Variants in HNF1B observed in about 807,000 individuals in gnomAD.
HNF1B encodes the protein HNF1 homeobox B, also known as hepatocyte nuclear factor 1-beta.
A neutral mutation model predicts 61.7 loss-of-function variants in HNF1B; 8 were observed. The ratio of observed to expected loss-of-function variants is 0.13; its 90% CI spans 0.08 to 0.23. The LOEUF is 0.23. Ranked by LOEUF, HNF1B falls within the 10% of genes least tolerant of loss-of-function variation. The probability of loss-of-function intolerance (pLI) is 1.00; values close to 1 mark genes in which losing one functional copy is unlikely to be tolerated. For missense variants in HNF1B, 562 were observed against 714.5 expected (o/e 0.79, Z 2.43); for synonymous variants, 314 against 287.7 (o/e 1.09, Z -0.93).
At position 37,704,901 on chromosome 17, in the gene HNF1B, C is replaced by A. The variant is rs1598809575; in HGVS notation, c.1339+16G>T. On this transcript the variant is annotated intron_variant, in intron 6 of 8. Transcript: ENST00000617811. ...TCTCCCTGCCCCCAAGTTTTCCAAC[C>A]AAGAATAGAACTTACTTTGTGCAAT... 6.2e-7 allele frequency: 1 copy of A among 1,613,988 alleles called. No homozygotes were observed. The highest frequency in any genetic ancestry group is 2.2e-5 in the East Asian group (1 of 44,884).
At chr17:37,706,677 A>T (rs906761858) in intron 5 of HNF1B, among the ~76,000 whole-genome samples, 3 of 15,996 alleles carry the variant, frequency 1.9e-4, no homozygotes, top group Non-Finnish European at 4.4e-4. Flanking sequence ...ACCAGTCATT[A>T]AAAAAAAAAA....
At chr17:37,709,116 G>C (rs754116664) in intron 5 of HNF1B, among the ~76,000 whole-genome samples, 13 of 152,142 alleles carry the variant, frequency 8.5e-5, no homozygotes, top group Admixed American at 7.2e-4. Context: ...CCAAAGAATA[G>C]AGCTTTCCAT....
At chr17:37,715,223 T>C (rs1192126699) in intron 4 of HNF1B, among the ~76,000 whole-genome samples, 2 of 152,142 alleles carry the variant, frequency 1.3e-5, no homozygotes, top group African/African-American at 4.8e-5. Context: ...TATGTTTACT[T>C]TTCTCTGCCT....
intron 4 of HNF1B, among the ~76,000 whole-genome samples, chr17:37,714,800 C>T (rs947762421): frequency 2.0e-5 from 3 of 152,166 alleles, no homozygotes; most frequent in African/African-American, 7.2e-5. Flanking sequence ...GCTCTGCCTT[C>T]CTGTGCCAGC....
chr17:37,743,127 C>T (rs527473136), intron 1 of HNF1B, among the ~76,000 whole-genome samples: 89 of 152,328 alleles, frequency 5.8e-4, no homozygotes, highest in African/African-American at 2.0e-3. Context: ...GTCCTTCCAG[C>T]GCCGCGCTAG....
At chr17:37,718,484 C>A (rs1274205300) in intron 4 of HNF1B, among the ~76,000 whole-genome samples, 1 of 152,132 alleles carries the variant, frequency 6.6e-6, no homozygotes, top group Non-Finnish European at 1.5e-5. Flanking sequence ...CACAAGCACC[C>A]ATTTGACAGA....
At chr17:37,689,126 C>CA (rs1456952815) in intron 8 of HNF1B, among the ~76,000 whole-genome samples, 2 of 121,620 alleles carry the variant, frequency 1.6e-5, no homozygotes, top group Non-Finnish European at 3.2e-5. Context: ...GCCTGGGCGA[C>CA]AGAGCAAGAC....
intron 4 of HNF1B, among the ~76,000 whole-genome samples, chr17:37,726,517 T>C (rs2033503589): frequency 6.6e-6 from 1 of 152,182 alleles, no homozygotes; most frequent in Non-Finnish European, 1.5e-5. Context: ...GATTTCCTCG[T>C]GTCCTGCAGA....
intron 8 of HNF1B, among the ~76,000 whole-genome samples, chr17:37,698,315 TG>T (rs2032453894): frequency 6.6e-6 from 1 of 152,148 alleles, no homozygotes; most frequent in Non-Finnish European, 1.5e-5. Flanking sequence ...CATCTTGTCC[TG>T]TTTTCTAACT....
chr17:37,693,939 C>G (rs553486156), intron 8 of HNF1B, among the ~76,000 whole-genome samples: 2 of 152,326 alleles, frequency 1.3e-5, no homozygotes, highest in East Asian at 1.9e-4. Flanking sequence ...TGCCTATTCC[C>G]CCTTTACCTT....
At chr17:37,731,390 C>G in intron 4 of HNF1B, 3 of 682,364 alleles carry the variant, frequency 4.4e-6, no homozygotes, top group Non-Finnish European at 8.1e-6. Flanking sequence ...TGAGCCCTCA[C>G]AGGGCAATGG....
rs577836898 is a variant in HNF1B at position 37,745,018 on chromosome 17, C to T, written c.-134G>A. 4.8e-5 allele frequency: 36 copies of T among 749,790 alleles called. No homozygotes were observed. The South Asian group carries it at 6.4e-4, about 13-fold the overall frequency. 46.4% of individuals were successfully genotyped at this position (749,790 alleles called of 1,614,324 possible). On this transcript the variant is annotated 5_prime_UTR_variant, in exon 1 of 9. Coordinates refer to ENST00000617811, the MANE Select transcript of HNF1B (RefSeq NM_000458.4). ...CAGCCTCCAGACACCTGTTACTCCCCGGGGTCCCGGAGGCTCCTCCGAAAG... is the reference window on the plus strand; with the variant it reads ...CAGCCTCCAGACACCTGTTACTCCCTGGGGTCCCGGAGGCTCCTCCGAAAG...
intron 1 of HNF1B, among the ~76,000 whole-genome samples, chr17:37,742,053 C>T (rs913095433): frequency 4.6e-5 from 7 of 152,242 alleles, no homozygotes; most frequent in African/African-American, 1.7e-4. Context: ...CCGAGAAAGG[C>T]ACCGGTCCCG....
intron 4 of HNF1B, among the ~76,000 whole-genome samples, chr17:37,711,817 A>G (rs552536017): frequency 6.2e-4 from 95 of 152,314 alleles, no homozygotes; most frequent in Middle Eastern, 3.4e-3. Flanking sequence ...TCCTTTGCCC[A>G]GTTTCCCAAG....
chr17:37,705,248 C>G (rs988992822), intron 5 of HNF1B, among the ~76,000 whole-genome samples, 199 bp from the exon 6 acceptor site: 2 of 152,148 alleles, frequency 1.3e-5, no homozygotes, highest in Non-Finnish European at 2.9e-5. Context: ...GACAGGAGGA[C>G]TGCCTGAGCT....
rs769939869 is a variant in HNF1B at position 37,731,644 on chromosome 17, G to A, written c.996C>T (p.His332=). The change falls in exon 4 of 9, where the codon CAC becomes CAT. Residue 332 remains histidine (H), a synonymous_variant. Coordinates refer to ENST00000617811, the MANE Select transcript of HNF1B (RefSeq NM_000458.4). ...QTHSLNPLLS[H]GSPHHQPSSS... ...AGCTGGGCTGGTGGTGGGGGGAGCC[G>A]TGGGAGAGCAGAGGGTTCAGGCTGT... The A allele has an allele frequency of 8.7e-6, 14 of 1,614,060 alleles. No individual in the cohort carries two copies. The highest frequency in any genetic ancestry group is 3.3e-5 in the Admixed American group (2 of 60,018).
intron 4 of HNF1B, among the ~76,000 whole-genome samples, chr17:37,710,917 A>G (rs1157374804): frequency 1.3e-5 from 2 of 152,254 alleles, no homozygotes; most frequent in Non-Finnish European, 2.9e-5. Flanking sequence ...ATGTATCCCC[A>G]GTGCCTTGGC....
intron 8 of HNF1B, among the ~76,000 whole-genome samples, chr17:37,697,704 T>C (rs2032432036): frequency 6.6e-6 from 1 of 151,748 alleles, no homozygotes; most frequent in Non-Finnish European, 1.5e-5. Flanking sequence ...CTACAAAGAG[T>C]GGGAACTCGC....
rs2147544699 is a variant in HNF1B, at chr17:37,731,646, G to A, written c.994C>T (p.His332Tyr). The A allele has an allele frequency of 6.2e-7, 1 of 1,614,090 alleles. No individual in the cohort carries two copies. Among genetic ancestry groups the A allele is most frequent in the Non-Finnish European group, 8.5e-7 (1 of 1,179,968 alleles). The change falls in exon 4 of 9, where the codon CAC becomes TAC. Residue 332 changes from histidine (H) to tyrosine (Y), a missense_variant. Physicochemically the swap from His to Tyr is moderately conservative, Grantham distance 83 (BLOSUM62 2). This residue lies in a region of HNF1B where 211 missense variants were observed against 200.7 expected (regional missense o/e 1.05). Transcript: ENST00000617811. ...QTHSLNPLLS[H>Y]GSPHHQPSSS... ...CTGGGCTGGTGGTGGGGGGAGCCGTGGGAGAGCAGAGGGTTCAGGCTGTGA... is the reference window on the plus strand; with the variant it reads ...CTGGGCTGGTGGTGGGGGGAGCCGTAGGAGAGCAGAGGGTTCAGGCTGTGA...
Sources: allele counts gnomAD v4.1 joint callset (sites outside exome capture counted in the v4.1 genomes callset), GRCh38; gene constraint gnomAD v4.1.1; regional missense constraint gnomAD v4.1.1; transcripts MANE v1.5; gene names NCBI Gene and HGNC (gene_info 2026-07-23, HGNC 2026-07-21).